Variants in FAT3 observed in about 807,000 individuals in gnomAD.
The protein encoded by FAT3 is protocadherin Fat 3.
Under a neutral mutation model 310.2 loss-of-function variants are expected in FAT3, and 95 were observed. The observed-to-expected ratio is 0.31, with a 90% CI of 0.26 to 0.36. FAT3 has a LOEUF of 0.36. Ranked by LOEUF, FAT3 falls within the 10% of genes least tolerant of loss-of-function variation. FAT3 has a pLI of 1.00. For missense variants in FAT3, 5,408 were observed against 5,715.6 expected, an observed-to-expected ratio of 0.95 and a Z score of 1.74; for synonymous variants, 2,314 against 2,192.9, an observed-to-expected ratio of 1.06 and a Z score of -1.54.
chr11:92,583,939 T>C (rs147866501), intron 3 of FAT3, among the ~76,000 whole-genome samples: 2 of 152,182 alleles, frequency 1.3e-5, no homozygotes, highest in Non-Finnish European at 1.5e-5. Flanking sequence ...CTTAAATTTC[T>C]TTTGGTACTA....
intron 1 of FAT3, among the ~76,000 whole-genome samples, chr11:92,290,927 G>T (rs1272286873): frequency 3.3e-5 from 5 of 151,978 alleles, no homozygotes; most frequent in Admixed American, 3.3e-4. Flanking sequence ...CACATAATTA[G>T]ACTGGTGATA....
intron 7 of FAT3, among the ~76,000 whole-genome samples, chr11:92,778,726 T>G (rs930184025): frequency 3.9e-5 from 6 of 152,120 alleles, no homozygotes; most frequent in African/African-American, 1.4e-4. Context: ...GTAACTCTAG[T>G]TAAAAATTTC....
In FAT3 at chr11:92,886,994, A is replaced by G. The variant is rs12421052; in HGVS notation, c.12938-6A>G. The G allele has an allele frequency of 4.4e-6, 7 of 1,593,552 alleles. No individual in the cohort carries two copies. The East Asian group carries it at 9.0e-5, about 20-fold the overall frequency. On this transcript the variant is annotated splice_polypyrimidine_tract_variant and splice_region_variant and intron_variant, in intron 24 of 27. Transcript: ENST00000525166. Reference sequence around the variant, plus strand: ...ATTTCTGCTTTCTCTTTCACTGTCCATGAAGACAAAGGGGTTGATGACCCG... The same window carrying G: ...ATTTCTGCTTTCTCTTTCACTGTCCGTGAAGACAAAGGGGTTGATGACCCG...
chr11:92,273,157 C>G (rs2134341586), intron 1 of FAT3, among the ~76,000 whole-genome samples: 1 of 152,200 alleles, frequency 6.6e-6, no homozygotes, highest in African/African-American at 2.4e-5. Flanking sequence ...TCTGATCCAC[C>G]AGTTTTTATG....
At chr11:92,695,323 A>G (rs1006112765) in intron 3 of FAT3, among the ~76,000 whole-genome samples, 1 of 152,146 alleles carries the variant, frequency 6.6e-6, no homozygotes, top group Non-Finnish European at 1.5e-5. Flanking sequence ...CAGGGAGACA[A>G]AAATCCATGT....
chr11:92,267,160 A>G (rs1353671074), intron 1 of FAT3, among the ~76,000 whole-genome samples: 1 of 152,170 alleles, frequency 6.6e-6, no homozygotes, highest in Non-Finnish European at 1.5e-5. Context: ...CCTATTTGGC[A>G]TTCATGACTT....
chr11:92,755,416 G>A (rs1474690382), intron 4 of FAT3, among the ~76,000 whole-genome samples: 1 of 151,914 alleles, frequency 6.6e-6, no homozygotes, highest in African/African-American at 2.4e-5. Flanking sequence ...TAGAGACAGG[G>A]TCTCACCATG....
chr11:92,449,620 G>A (rs1394725254), intron 2 of FAT3, among the ~76,000 whole-genome samples: 1 of 152,108 alleles, frequency 6.6e-6, no homozygotes, highest in Non-Finnish European at 1.5e-5. Context: ...TTCAGATGAG[G>A]AAACTGAAGC....
At chr11:92,698,456 C>A (rs1373371401) in intron 4 of FAT3, among the ~76,000 whole-genome samples, 2 of 152,156 alleles carry the variant, frequency 1.3e-5, no homozygotes, top group African/African-American at 4.8e-5. Context: ...TTGCCTTGAA[C>A]CTTAGTTTCC....
rs1457374967 is a variant in FAT3 at position 92,892,578 on chromosome 11, A to AT, written c.*1471dup. On this transcript the variant is annotated 3_prime_UTR_variant, in exon 28 of 28. Transcript: ENST00000525166. ...AGGTGTGTGCCACCACGCCTGGCTA[A>AT]TTTTTTGTATTTTTAGTAGAGATGG... 1 of 151,796 alleles carries AT rather than the reference A, an allele frequency of 6.6e-6. No homozygotes were observed. The highest frequency in any genetic ancestry group is 1.5e-5 in the Non-Finnish European group (1 of 68,000). 9.4% of individuals were successfully genotyped at this position (151,796 alleles called of 1,614,324 possible).
At chr11:92,485,207 G>A (rs1952342932) in intron 2 of FAT3, among the ~76,000 whole-genome samples, 1 of 152,210 alleles carries the variant, frequency 6.6e-6, no homozygotes, top group Admixed American at 6.5e-5. Context: ...AAACCCCTGG[G>A]AATTCTAGTA....
chr11:92,521,755 G>A (rs1240040043), intron 2 of FAT3, among the ~76,000 whole-genome samples: 1 of 152,114 alleles, frequency 6.6e-6, no homozygotes, highest in East Asian at 1.9e-4. Flanking sequence ...TTATCTTTAA[G>A]AGATAATTAT....
intron 4 of FAT3, among the ~76,000 whole-genome samples, chr11:92,747,630 T>C (rs1450481962): frequency 6.6e-6 from 1 of 152,232 alleles, no homozygotes; most frequent in Non-Finnish European, 1.5e-5. Flanking sequence ...TTCTATCGCA[T>C]TGTTAGGCTG....
In FAT3 at chr11:92,891,767, A is replaced by G. The variant is rs1949922149; in HGVS notation, c.*654A>G. 6.5e-6 allele frequency: 1 copy of G among 152,888 alleles called. No homozygotes were observed. The highest frequency in any genetic ancestry group is 2.4e-5 in the African/African-American group (1 of 41,428). The allele number at this position is 152,888 out of a possible 1,614,324, so 9.5% of individuals were successfully genotyped here. A position where few individuals can be genotyped will look rare whatever the true frequency, so the allele number is the denominator to read the frequency against. On this transcript the variant is annotated 3_prime_UTR_variant, in exon 28 of 28. Transcript: ENST00000525166. ...CAATCTAATATAGTTGGGTTTTATG[A>G]TCTTCAAGAAAGGTATCAATGAAGA... is the stretch of plus-strand genomic sequence containing the variant.
intron 2 of FAT3, among the ~76,000 whole-genome samples, chr11:92,433,728 T>A (rs1950855901): frequency 6.6e-6 from 1 of 151,988 alleles, no homozygotes; most frequent in Non-Finnish European, 1.5e-5. Context: ...GAGCCATCAC[T>A]GGCTGGGTGT....
At chr11:92,840,787 T>C (rs764711180) in intron 18 of FAT3, 28 bp downstream of exon 18, 1 of 1,498,354 alleles carries the variant, frequency 6.7e-7, no homozygotes, top group Admixed American at 1.9e-5. Flanking sequence ...GTCTCCGTCG[T>C]GCTGTCTTTC....
chr11:92,225,393 G>A (rs1367340136), intron 1 of FAT3, among the ~76,000 whole-genome samples: 37 of 152,168 alleles, frequency 2.4e-4, no homozygotes, highest in Non-Finnish European at 1.5e-5. Context: ...CAGGAGAAGA[G>A]GGTGGCTTGG....
chr11:92,790,775 A>G (rs960983882), intron 8 of FAT3, among the ~76,000 whole-genome samples: 2 of 152,216 alleles, frequency 1.3e-5, no homozygotes, highest in African/African-American at 4.8e-5. Context: ...CAAATTATGT[A>G]GGAGATATTG....
At chr11:92,624,417 C>A (rs1941230159) in intron 3 of FAT3, among the ~76,000 whole-genome samples, 1 of 152,130 alleles carries the variant, frequency 6.6e-6, no homozygotes, top group South Asian at 2.1e-4. Context: ...CCTAAAGGGC[C>A]TGGCATGTTT....
Sources: gnomAD v4.1 joint callset for allele counts (sites outside exome capture counted in the v4.1 genomes callset) on GRCh38, gnomAD v4.1.1 for gene constraint, MANE v1.5 for transcripts, NCBI Gene and HGNC (gene_info 2026-07-23, HGNC 2026-07-21) for gene names.